PIEZO2: variants seen among roughly 807,000 people sequenced by gnomAD.
The protein encoded by PIEZO2 is piezo-type mechanosensitive ion channel component 2.
A neutral mutation model predicts 337.3 loss-of-function variants in PIEZO2; 172 were observed. That is an observed-to-expected ratio of 0.51 (90% CI 0.45 to 0.58). The LOEUF is 0.58. Ranked by LOEUF, PIEZO2 falls within the 20% of genes least tolerant of loss-of-function variation. The pLI is 0.00. For synonymous variants in PIEZO2, 1,251 were observed against 1,228.5 expected, an observed-to-expected ratio of 1.02 and a Z score of -0.38; for missense variants, 3,028 against 3,391.3, an observed-to-expected ratio of 0.89 and a Z score of 2.66.
At chr18:10,841,830 T>C (rs964059604) in intron 7 of PIEZO2, among the ~76,000 whole-genome samples, 1 of 152,216 alleles carries the variant, frequency 6.6e-6, no homozygotes, top group Non-Finnish European at 1.5e-5. Flanking sequence ...TTATTTTTTT[T>C]ACAGGATTAA....
intron 5 of PIEZO2, 97 bp downstream of exon 5, chr18:10,871,156 C>G (rs1717125368): frequency 7.3e-6 from 9 of 1,231,512 alleles, no homozygotes; most frequent in Non-Finnish European, 1.0e-5. Context: ...TCATAACGTG[C>G]TCTGTATGCT....
rs1228322897 is a variant in PIEZO2, at chr18:10,877,675, T to A, written c.330-6260A>T. On this transcript the variant is annotated intron_variant, in intron 4 of 55. Coordinates refer to ENST00000674853, the MANE Select transcript of PIEZO2 (RefSeq NM_001378183.1). This position sits in a 1 kb window ranked among gnomAD's most constrained non-coding sequence, Gnocchi z 5.3. ...CCCACAGCCCGGTCTGGCCTCTGGG[T>A]GACGGTAGCAGCATCCTGATGATTT... Among the ~76,000 whole-genome samples, 4 of 152,094 alleles carry A rather than the reference T, an allele frequency of 2.6e-5. No homozygotes were observed. In the East Asian group the frequency reaches 5.8e-4, roughly 22 times the overall value.
chr18:10,965,910 T>C (rs542060125), intron 3 of PIEZO2, among the ~76,000 whole-genome samples: 14 of 152,302 alleles, frequency 9.2e-5, no homozygotes, highest in African/African-American at 3.4e-4. Context: ...ATAAGGTCCA[T>C]GAGGGGAAGG....
At chr18:11,054,302 T>C (rs972125373) in intron 2 of PIEZO2, among the ~76,000 whole-genome samples, 2 of 152,196 alleles carry the variant, frequency 1.3e-5, no homozygotes, top group Non-Finnish European at 2.9e-5. Flanking sequence ...TAATTAAATC[T>C]AAAAGCCAAA....
chr18:11,075,994 T>A (rs973378447), intron 1 of PIEZO2, among the ~76,000 whole-genome samples: 5 of 152,046 alleles, frequency 3.3e-5, no homozygotes. Flanking sequence ...CACTGTGTTA[T>A]CCAGGATGGC....
rs1474217845 is a variant in PIEZO2, at chr18:10,689,744, C to T, written c.7408G>A (p.Asp2470Asn). The T allele has an allele frequency of 6.2e-7, 1 of 1,614,172 alleles. No individual in the cohort carries two copies. Among genetic ancestry groups the T allele is most frequent in the Admixed American group, 1.7e-5 (1 of 60,024 alleles). The change falls in exon 49 of 56, where the codon GAC becomes AAC. Residue 2470 changes from aspartate (D) to asparagine (N), a missense_variant. Asp to Asn is a conservative substitution (Grantham distance 23). Around this residue, in one of 5 missense-constraint regions of PIEZO2, gnomAD observed 179 missense variants for 281.8 expected, o/e 0.64. Transcript: ENST00000674853. Reference protein sequence around the residue: ...LRAVMDWVWTDTTLSLSSWIC... With the variant: ...LRAVMDWVWTNTTLSLSSWIC... Reference sequence around the variant, plus strand: ...CAGCTGGACAGGCTCAAAGTTGTGTCCGTCCACACCCAGTCCATCACTGCC... The same window carrying T: ...CAGCTGGACAGGCTCAAAGTTGTGTTCGTCCACACCCAGTCCATCACTGCC...
chr18:10,910,681 C>CT (rs2030402819), intron 4 of PIEZO2, among the ~76,000 whole-genome samples: 2 of 152,036 alleles, frequency 1.3e-5, no homozygotes, highest in African/African-American at 4.8e-5. Context: ...TTTAATGAGT[C>CT]TATTTTTGTT....
chr18:11,073,529 A>T (rs1243328035), intron 1 of PIEZO2, among the ~76,000 whole-genome samples: 1 of 152,186 alleles, frequency 6.6e-6, no homozygotes, highest in African/African-American at 2.4e-5. Flanking sequence ...CTCTGACAAC[A>T]TGCTCACTCG....
chr18:10,777,864 A>C (rs2038843481), intron 18 of PIEZO2, among the ~76,000 whole-genome samples: 1 of 152,242 alleles, frequency 6.6e-6, no homozygotes, highest in African/African-American at 2.4e-5. Context: ...AAGCACTCTC[A>C]GAAGATTGTA....
chr18:10,825,550 C>CTTTTTTTTTTTTTTTTTTTT (rs57159292), intron 7 of PIEZO2, among the ~76,000 whole-genome samples: 8 of 113,862 alleles, frequency 7.0e-5, no homozygotes, highest in South Asian at 3.0e-4. Context: ...TCCTTTCTTC[C>CTTTTTTTTTTTTTTTTTTTT]TTTTTTTTTT....
Position 11,148,450 on chromosome 18 carries a change from C to A in PIEZO2, c.64+75G>T. On this transcript the variant is annotated intron_variant, in intron 1 of 55. Coordinates refer to ENST00000674853, the MANE Select transcript of PIEZO2 (RefSeq NM_001378183.1). This position sits in a 1 kb window ranked among gnomAD's most constrained non-coding sequence, Gnocchi z 5.2. The stretch of plus-strand genomic sequence containing the variant: ...AACCCCAGAGCACCAGAGCCCTTCA[C>A]TTTGTTAAGAAGTCCCCCACCCAGG... 2 of 1,482,346 alleles carry A rather than the reference C, an allele frequency of 1.3e-6. No individual in the cohort carries two copies. The highest frequency in any genetic ancestry group is 1.2e-5 in the South Asian group (1 of 82,646). The allele number at this position is 1,482,346 out of a possible 1,614,324, so 91.8% of individuals were successfully genotyped here.
chr18:10,805,757 T>C lies in PIEZO2; in HGVS notation c.1080+1355A>G, dbSNP rs548364642. 2.0e-5 allele frequency among the ~76,000 whole-genome samples: 3 copies of C among 152,312 alleles called. No individual in the cohort carries two copies. In the South Asian group the frequency reaches 6.2e-4, roughly 32 times the overall value. The stretch of plus-strand genomic sequence containing the variant: ...AGTGGCCTAAAAGAAAGATGATCCA[T>C]GAGAACCCTGCTAACAAGGATGGCC... On this transcript the variant is annotated intron_variant, in intron 8 of 55. Transcript: ENST00000674853.
intron 3 of PIEZO2, among the ~76,000 whole-genome samples, chr18:10,978,079 T>C (rs1230981258): frequency 6.6e-6 from 1 of 152,056 alleles, no homozygotes; most frequent in Non-Finnish European, 1.5e-5. Context: ...TCCCAGCACT[T>C]TGGGAGGCCG....
chr18:11,139,297 C>A (rs2040575113), intron 1 of PIEZO2, among the ~76,000 whole-genome samples: 2 of 152,144 alleles, frequency 1.3e-5, no homozygotes, highest in African/African-American at 4.8e-5. Context: ...AGACCTGGGG[C>A]TCTTAGTCAA....
At chr18:11,108,756 A>G (rs923165083) in intron 1 of PIEZO2, among the ~76,000 whole-genome samples, 2 of 151,814 alleles carry the variant, frequency 1.3e-5, no homozygotes, top group African/African-American at 4.8e-5. Flanking sequence ...GGGGAAATTG[A>G]GGTGCGAGGG....
chr18:10,681,071 A>G (rs1465652922), intron 51 of PIEZO2, among the ~76,000 whole-genome samples: 1 of 152,110 alleles, frequency 6.6e-6, no homozygotes, highest in African/African-American at 2.4e-5. Flanking sequence ...AGAAATTGTC[A>G]TGTCATTTAT....
At position 10,912,603 on chromosome 18, in the gene PIEZO2, C is replaced by T. The variant is rs181528185; in HGVS notation, c.287-1375G>A. ...TTCCTAAAGTCAAATTAAACTCGTACGGTGCTTAGGTTTATTTCTTGAGAA... is the reference window on the plus strand; with the variant it reads ...TTCCTAAAGTCAAATTAAACTCGTATGGTGCTTAGGTTTATTTCTTGAGAA... On this transcript the variant is annotated intron_variant, in intron 3 of 55. Coordinates refer to ENST00000674853, the MANE Select transcript of PIEZO2 (RefSeq NM_001378183.1). Among the ~76,000 whole-genome samples the T allele has an allele frequency of 1.8e-3, 278 of 152,256 alleles. 1 individual carries two copies. The highest frequency in any genetic ancestry group is 6.4e-3 in the African/African-American group (265 of 41,552).
At position 11,146,199 on chromosome 18, in the gene PIEZO2, C is replaced by A. The variant is rs1455093279; in HGVS notation, c.64+2326G>T. The stretch of plus-strand genomic sequence containing the variant: ...GCAGCCCCAGGATCTCCTGGGCAGA[C>A]TCAGCTGTCCCCGAGGCAAGACGCA... On this transcript the variant is annotated intron_variant, in intron 1 of 55. Coordinates refer to ENST00000674853, the MANE Select transcript of PIEZO2 (RefSeq NM_001378183.1). The surrounding 1 kb of genome is among the most constrained non-coding windows in gnomAD (Gnocchi z 6.1). Among the ~76,000 whole-genome samples the A allele has an allele frequency of 6.6e-6, 1 of 152,134 alleles. No individual in the cohort carries two copies.
In PIEZO2 at chr18:10,725,517, G is replaced by A; in HGVS notation, c.5029+5890C>T. ...GGCATGAAAGGGGCCTGGGAGCTGGGAGTCGTGGGAAGGAGGGGCCCCACT... is the reference window on the plus strand; with the variant it reads ...GGCATGAAAGGGGCCTGGGAGCTGGAAGTCGTGGGAAGGAGGGGCCCCACT... On this transcript the variant is annotated intron_variant, in intron 36 of 55. Coordinates refer to ENST00000674853, the MANE Select transcript of PIEZO2 (RefSeq NM_001378183.1). 4.2e-6 allele frequency: 6 copies of A among 1,417,576 alleles called. No individual in the cohort carries two copies. The South Asian group carries it at 5.3e-5, about 13-fold the overall frequency. 87.8% of individuals were successfully genotyped at this position (1,417,576 alleles called of 1,614,324 possible).
Sources: allele counts gnomAD v4.1 joint callset (sites outside exome capture counted in the v4.1 genomes callset), GRCh38; gene constraint gnomAD v4.1.1; regional missense constraint gnomAD v4.1.1; non-coding constraint Gnocchi (gnomAD v3.1); transcripts MANE v1.5; gene names NCBI Gene and HGNC (gene_info 2026-07-23, HGNC 2026-07-21).